The following CDR2 variants were observed in gnomAD, a reference collection of about 807,000 sequenced individuals.
CDR2 encodes cerebellar degeneration-related protein 2.
A neutral mutation model predicts 48.4 loss-of-function variants in CDR2; 34 were observed. The observed-to-expected ratio is 0.70, with a 90% confidence interval of 0.53 to 0.94. CDR2 has a LOEUF of 0.94. Among genes scored for constraint, CDR2 ranks in the 40% least tolerant of loss-of-function variants. The pLI, the probability that CDR2 is intolerant of heterozygous loss-of-function variation, is 0.00. For synonymous variants in CDR2, 240 were observed against 219.7 expected (o/e 1.09, Z -0.82); for missense variants, 498 against 549.5 (o/e 0.91, Z 0.94).
At chr16:22,363,935 T>C (rs183307935) in intron 2 of CDR2, among the ~76,000 whole-genome samples, 130 of 152,200 alleles carry the variant, frequency 8.5e-4, no homozygotes, top group African/African-American at 2.9e-3. Context: ...AAAGGTATTA[T>C]ATTATTATTA....
At chr16:22,348,268 C>G (rs1004319072) in intron 4 of CDR2, among the ~76,000 whole-genome samples, 1 of 152,134 alleles carries the variant, frequency 6.6e-6, no homozygotes, top group Non-Finnish European at 1.5e-5. Context: ...ACACTTGGAG[C>G]AGTGGCTAAA....
chr16:22,357,047 A>T, intron 2 of CDR2, among the ~76,000 whole-genome samples: 1 of 151,778 alleles, frequency 6.6e-6, no homozygotes, highest in East Asian at 1.9e-4. Flanking sequence ...AAAACAATAC[A>T]ATAATATTCA....
At chr16:22,360,724 A>T (rs142610385) in intron 2 of CDR2, among the ~76,000 whole-genome samples, 229 of 148,998 alleles carry the variant, frequency 1.5e-3, no homozygotes, top group African/African-American at 5.4e-3. Flanking sequence ...TATTTTTCTG[A>T]ATTAAAAAAA....
intron 2 of CDR2, among the ~76,000 whole-genome samples, chr16:22,361,330 C>T (rs956422372): frequency 1.1e-4 from 16 of 152,126 alleles, no homozygotes; most frequent in East Asian, 3.8e-4. Context: ...AGGAGAAACA[C>T]GTTGAAAAGG....
chr16:22,362,524 A>G (rs2141850435), intron 2 of CDR2, among the ~76,000 whole-genome samples: 1 of 152,352 alleles, frequency 6.6e-6, no homozygotes, highest in East Asian at 1.9e-4. Flanking sequence ...TGTTTTATAA[A>G]TGCTCTAACA....
chr16:22,373,186 G>A (rs1598298501), intron 1 of CDR2, among the ~76,000 whole-genome samples: 1 of 152,332 alleles, frequency 6.6e-6, no homozygotes, highest in Admixed American at 6.5e-5. Flanking sequence ...TTCCCCAACT[G>A]CTAGCTCCTG....
At chr16:22,371,015 A>T (rs1380485759) in intron 1 of CDR2, among the ~76,000 whole-genome samples, 1 of 152,152 alleles carries the variant, frequency 6.6e-6, no homozygotes, top group Non-Finnish European at 1.5e-5. Flanking sequence ...GATTGAGACC[A>T]TCCTGGCTAA....
intron 1 of CDR2, among the ~76,000 whole-genome samples, chr16:22,367,453 T>C (rs1276017978): frequency 1.3e-5 from 2 of 152,310 alleles, no homozygotes; most frequent in South Asian, 4.1e-4. Flanking sequence ...GCCAGTATGA[T>C]AGAAGCATGA....
intron 3 of CDR2, 58 bp from the exon 4 acceptor site, chr16:22,349,501 G>T: frequency 6.3e-7 from 1 of 1,591,814 alleles, no homozygotes; most frequent in South Asian, 1.1e-5. Context: ...GGGCAAAAGC[G>T]GTGAGGAGAG....
At chr16:22,351,356 TATG>T (rs2048940851) in intron 2 of CDR2, among the ~76,000 whole-genome samples, 1 of 152,220 alleles carries the variant, frequency 6.6e-6, no homozygotes, top group South Asian at 2.1e-4. Context: ...CAGCATGATT[TATG>T]ATACTTTGGG....
chr16:22,362,460 TAC>T (rs969275553), intron 2 of CDR2, among the ~76,000 whole-genome samples: 19 of 152,358 alleles, frequency 1.2e-4, no homozygotes, highest in African/African-American at 4.6e-4. Context: ...TACAAATATT[TAC>T]ACTTCTTTCA....
rs770392107 is a variant in CDR2 at position 22,346,978 on chromosome 16, G to A, written c.1352C>T (p.Ser451Phe). The part of the protein sequence containing the change: ...DEQRTKYRSL[S>F]SHS ...CTAGAGGTTCAATTAAGAATGAGAG[G>A]AGAGTGATCGGTATTTTGTTCTCTG... Residue 451 changes from serine (S) to phenylalanine (F), a missense_variant, in exon 5 of 5, where the codon TCC becomes TTC. Ser to Phe is a radical substitution (Grantham distance 155). Coordinates refer to ENST00000268383, the MANE Select transcript of CDR2 (RefSeq NM_001802.2). 13 of 1,610,022 alleles carry A rather than the reference G, an allele frequency of 8.1e-6. No homozygotes were observed. The highest frequency in any genetic ancestry group is 1.1e-5 in the Non-Finnish European group (13 of 1,176,466).
chr16:22,352,119 G>A (rs1332791155), intron 2 of CDR2, among the ~76,000 whole-genome samples: 1 of 152,172 alleles, frequency 6.6e-6, no homozygotes, highest in Admixed American at 6.6e-5. Flanking sequence ...CGGCGTGGTG[G>A]CACGCGCCTG....
rs192140377 is a variant in CDR2, at chr16:22,361,988, G to A, written c.192+2914C>T. ...ACGATCTCGGCTCACTGCAAGCTCCGCCTCCCGGGTTCACGCCAATCTCCT... is the reference window on the plus strand; with the variant it reads ...ACGATCTCGGCTCACTGCAAGCTCCACCTCCCGGGTTCACGCCAATCTCCT... On this transcript the variant is annotated intron_variant, in intron 2 of 4. Coordinates refer to ENST00000268383, the MANE Select transcript of CDR2 (RefSeq NM_001802.2). Among the ~76,000 whole-genome samples the A allele has an allele frequency of 4.9e-3, 680 of 137,766 alleles. 7 individuals are homozygous for A. Among genetic ancestry groups the A allele is most frequent in the African/African-American group, 0.018 (653 of 36,872 alleles). 90.4% of individuals were successfully genotyped at this position (137,766 alleles called of 152,430 possible).
intron 1 of CDR2, among the ~76,000 whole-genome samples, chr16:22,367,478 T>C (rs1480703069): frequency 1.3e-5 from 2 of 152,218 alleles, no homozygotes; most frequent in South Asian, 2.1e-4. Flanking sequence ...TCAGATCATA[T>C]AGGATTTTAT....
At chr16:22,362,371 A>C (rs1202001240) in intron 2 of CDR2, among the ~76,000 whole-genome samples, 1 of 152,208 alleles carries the variant, frequency 6.6e-6, no homozygotes, top group Non-Finnish European at 1.5e-5. Context: ...TTAAATGTTT[A>C]ATCATCCTCG....
chr16:22,347,129 T>C lies in CDR2; in HGVS notation c.1201A>G (p.Ser401Gly), dbSNP rs552181891. 6.2e-7 allele frequency: 1 copy of C among 1,614,262 alleles called. No individual in the cohort carries two copies. Among genetic ancestry groups the C allele is most frequent in the African/African-American group, 1.3e-5 (1 of 75,074 alleles). ...GVNAQSEPVASGWELASVNPE... is the reference protein window; with the variant it reads ...GVNAQSEPVAGGWELASVNPE... ...TTGACAGAGGCCAGTTCCCAGCCGC[T>C]GGCAACAGGCTCAGACTGGGCGTTC... Residue 401 changes from serine to glycine, a missense_variant, in exon 5 of 5, where the codon AGC (serine) becomes GGC (glycine). Ser to Gly is a moderately conservative substitution (Grantham distance 56). Transcript: ENST00000268383.
At chr16:22,355,251 T>A (rs1045415024) in intron 2 of CDR2, among the ~76,000 whole-genome samples, 9 of 152,372 alleles carry the variant, frequency 5.9e-5, no homozygotes, top group South Asian at 2.1e-4. Flanking sequence ...TTGATTTTTT[T>A]AAAATTTCAC....
chr16:22,368,975 CAG>C (rs1298614413), intron 1 of CDR2: 23 of 152,294 alleles, frequency 1.5e-4, no homozygotes, highest in African/African-American at 5.5e-4. Context: ...TTTGTACTCA[CAG>C]AGTGTGTAAT....
Sources: gnomAD v4.1 joint callset for allele counts (sites outside exome capture counted in the v4.1 genomes callset) on GRCh38, gnomAD v4.1.1 for gene constraint, MANE v1.5 for transcripts, NCBI Gene and HGNC (gene_info 2026-07-23, HGNC 2026-07-21) for gene names.